The following CYTH4 variants were observed in gnomAD, a reference collection of about 807,000 sequenced individuals.
The protein encoded by CYTH4 is cytohesin-4.
In CYTH4, 22 loss-of-function variants were observed where a neutral mutation model predicts 57.5. The ratio of observed to expected loss-of-function variants is 0.38; its 90% CI spans 0.27 to 0.55. The LOEUF (loss-of-function observed/expected upper bound fraction) is 0.55. Among genes scored for constraint, CYTH4 ranks in the 20% least tolerant of loss-of-function variants. The pLI, the probability that CYTH4 is intolerant of heterozygous loss-of-function variation, is 0.74. For missense variants in CYTH4, 420 were observed against 535.6 expected (o/e 0.78, Z 2.13); for synonymous variants, 186 against 206.5 (o/e 0.90, Z 0.85).
rs1929633273 is a variant in CYTH4 at position 37,311,320 on chromosome 22, G to GT, written c.886-135dup. 1.2e-6 allele frequency: 1 copy of GT among 822,148 alleles called. No homozygotes were observed. Among genetic ancestry groups the GT allele is most frequent in the African/African-American group, 1.7e-5 (1 of 58,414 alleles). 50.9% of individuals were successfully genotyped at this position (822,148 alleles called of 1,614,324 possible). ...TCTTCACATGCTGCTTCTAACTTCC[G>GT]TCCCCCTATGACTGGACAGTCTCGG... On this transcript the variant is annotated intron_variant, in intron 10 of 12. Transcript: ENST00000248901. The surrounding 1 kb of genome is among the most constrained non-coding windows in gnomAD (Gnocchi z 4.4).
chr22:37,308,735 T>C (rs6000660), intron 8 of CYTH4, among the ~76,000 whole-genome samples: 12,050 of 151,916 alleles, frequency 0.079, 645 homozygotes, highest in African/African-American at 0.15. Context: ...TATGTATGAG[T>C]ATGCATGCAT....
chr22:37,297,617 T>C lies in CYTH4; in HGVS notation c.288T>C (p.Ile96=). Residue 96 remains isoleucine (I), a synonymous_variant, in exon 5 of 13, where the codon ATT becomes ATC. Transcript: ENST00000248901. The part of the protein sequence containing the change: ...HKLLTPDVQD[I]ARFLYKGEGL... The stretch of plus-strand genomic sequence containing the variant: ...TGCTGACCCCTGACGTCCAGGACAT[T>C]GCACGGTTCCTGTATAAAGGCGAGG... The C allele has an allele frequency of 6.2e-7, 1 of 1,614,036 alleles. No individual in the cohort carries two copies. The highest frequency in any genetic ancestry group is 1.1e-5 in the South Asian group (1 of 91,076).
At position 37,311,601 on chromosome 22, in the gene CYTH4, C is replaced by T. The variant is rs917618140; in HGVS notation, c.957+74C>T. On this transcript the variant is annotated intron_variant, in intron 11 of 12. Coordinates refer to ENST00000248901, the MANE Select transcript of CYTH4 (RefSeq NM_013385.5). The surrounding 1 kb of genome is among the most constrained non-coding windows in gnomAD (Gnocchi z 4.4). ...TCCTAAACAGAACGTGGGGAGAGGG[C>T]CTGAGGCTGGGCTCTCCAGGAAGCC... The T allele has an allele frequency of 1.4e-6, 2 of 1,478,692 alleles. No individual in the cohort carries two copies. The highest frequency in any genetic ancestry group is 3.4e-4 in the Middle Eastern group (2 of 5,812). The allele number at this position is 1,478,692 out of a possible 1,614,324, so 91.6% of individuals were successfully genotyped here. A position where few individuals can be genotyped will look rare whatever the true frequency, so the allele number is the denominator to read the frequency against.
chr22:37,288,044 C>T (rs186971569), intron 1 of CYTH4, among the ~76,000 whole-genome samples: 129 of 152,180 alleles, frequency 8.5e-4, no homozygotes, highest in African/African-American at 3.0e-3. Flanking sequence ...TTTGGGAGGC[C>T]AAGGCAGGTG....
intron 6 of CYTH4, among the ~76,000 whole-genome samples, chr22:37,300,615 C>G (rs1366395944): frequency 6.6e-6 from 1 of 152,232 alleles, no homozygotes; most frequent in African/African-American, 2.4e-5. Flanking sequence ...AGGCAGAGGC[C>G]GTCCCCCTTC....
chr22:37,309,094 G>C, intron 8 of CYTH4, 118 bp from the exon 9 acceptor site: 1 of 759,916 alleles, frequency 1.3e-6, no homozygotes, highest in South Asian at 1.8e-5. Context: ...AAACAGGTGA[G>C]GAAAGAGTAT....
chr22:37,302,876 C>T (rs536708715), intron 7 of CYTH4, among the ~76,000 whole-genome samples: 7 of 152,226 alleles, frequency 4.6e-5, no homozygotes, highest in African/African-American at 1.2e-4. Context: ...TGTTCTTCTC[C>T]GAGTTCCGAG....
intron 9 of CYTH4, 109 bp from the exon 10 acceptor site, chr22:37,310,879 A>G (rs1396986582): frequency 8.6e-7 from 1 of 1,165,280 alleles, no homozygotes. Flanking sequence ...AGTTTAGGGC[A>G]CTCAGCTGGG....
At chr22:37,299,382 T>C (rs568215253) in intron 6 of CYTH4, 76 bp downstream of exon 6, 1 of 1,255,314 alleles carries the variant, frequency 8.0e-7, no homozygotes, top group South Asian at 1.2e-5. Flanking sequence ...GCGATCCACA[T>C]AGCTGACAGC....
chr22:37,285,209 G>A (rs1289119586), intron 1 of CYTH4, among the ~76,000 whole-genome samples: 3 of 152,244 alleles, frequency 2.0e-5, no homozygotes, highest in Non-Finnish European at 4.4e-5. Context: ...CAAAGAGGAA[G>A]TGGGGAGGAG....
intron 9 of CYTH4, among the ~76,000 whole-genome samples, chr22:37,310,349 G>A (rs544644967): frequency 6.6e-6 from 1 of 152,134 alleles, no homozygotes; most frequent in African/African-American, 2.4e-5. Context: ...CCCAAGTACT[G>A]ATGGTCAGGT....
At chr22:37,310,687 A>G (rs1929605814) in intron 9 of CYTH4, among the ~76,000 whole-genome samples, 1 of 152,256 alleles carries the variant, frequency 6.6e-6, no homozygotes, top group South Asian at 2.1e-4. Context: ...GGAATGAAGC[A>G]ATGGATGGCG....
intron 4 of CYTH4, 102 bp from the exon 5 acceptor site, chr22:37,297,462 C>T: frequency 2.9e-6 from 3 of 1,026,476 alleles, no homozygotes; most frequent in Non-Finnish European, 4.4e-6. Context: ...CACCAGAATG[C>T]CAGGCTCCAG....
chr22:37,285,029 A>G (rs1006408772), intron 1 of CYTH4, among the ~76,000 whole-genome samples: 1 of 152,058 alleles, frequency 6.6e-6, no homozygotes, highest in African/African-American at 2.4e-5. Flanking sequence ...CTCCACCCAC[A>G]CCCCCTCTGC....
chr22:37,292,055 C>A (rs1928763092), intron 1 of CYTH4: 1 of 152,574 alleles, frequency 6.6e-6, no homozygotes, highest in African/African-American at 2.4e-5. Flanking sequence ...ATCAGGACCA[C>A]CCTGCTACAG....
intron 7 of CYTH4, among the ~76,000 whole-genome samples, chr22:37,302,851 GCC>G (rs1356215827): frequency 1.3e-5 from 2 of 152,190 alleles, no homozygotes; most frequent in Admixed American, 6.5e-5. Context: ...CCTGAACAGT[GCC>G]GCTAACAATG....
At chr22:37,300,311 CATTCATTCACAT>C in intron 6 of CYTH4, 1 of 705,862 alleles carries the variant, frequency 1.4e-6, no homozygotes, top group South Asian at 1.5e-5. Context: ...TTCTTTCATT[CATTCATTCACAT>C]ATTCATTCAT....
intron 1 of CYTH4, 27 bp from the exon 2 acceptor site, chr22:37,292,594 T>TG (rs747429458): frequency 6.2e-7 from 1 of 1,611,490 alleles, no homozygotes; most frequent in East Asian, 2.2e-5. Context: ...AGCCAAGTGA[T>TG]GGGGAAGGCC....
intron 9 of CYTH4, 69 bp from the exon 10 acceptor site, chr22:37,310,919 C>T: frequency 6.4e-7 from 1 of 1,554,850 alleles, no homozygotes; most frequent in Admixed American, 1.7e-5. Flanking sequence ...GAGGACCTGC[C>T]CTTCCCTGGA....
Sources: allele counts gnomAD v4.1 joint callset (sites outside exome capture counted in the v4.1 genomes callset), GRCh38; gene constraint gnomAD v4.1.1; non-coding constraint Gnocchi (gnomAD v3.1); transcripts MANE v1.5; gene names NCBI Gene and HGNC (gene_info 2026-07-23, HGNC 2026-07-21).